The following UPRT variants were observed in gnomAD, a reference collection of about 807,000 sequenced individuals.
UPRT encodes uracil phosphoribosyltransferase homolog.
In UPRT, 5 loss-of-function variants were observed where a neutral mutation model predicts 22.6. The ratio of observed to expected loss-of-function variants is 0.22; its 90% confidence interval spans 0.12 to 0.47. The LOEUF (loss-of-function observed/expected upper bound fraction) is 0.47, where lower values mean the gene tolerates loss of function less well. UPRT is among the 20% of genes least tolerant of loss of function. UPRT has a pLI of 0.99. For synonymous variants in UPRT, 77 were observed against 87.7 expected, an observed-to-expected ratio of 0.88 and a Z score of 0.68; for missense variants, 181 against 239.9, an observed-to-expected ratio of 0.75 and a Z score of 1.62.
intron 4 of UPRT, among the ~76,000 whole-genome samples, chrX:75,266,729 G>A (rs193081285): frequency 3.6e-4 from 40 of 110,657 alleles, no homozygotes; most frequent in Admixed American, 1.7e-3. Context: ...ACAAATAACC[G>A]AAACACATTT....
Position 75,291,459 on chromosome X carries a change from G to A in UPRT, c.387-2013G>A, listed in dbSNP as rs968152462. The A allele has an allele frequency of 6.0e-5, 19 of 318,002 alleles. No homozygotes were observed. In the Admixed American group the frequency reaches 6.4e-4, roughly 11 times the overall value. 26.2% of individuals were successfully genotyped at this position (318,002 alleles called of 1,213,427 possible). ...GAAGTGTGTGGAATGAAGAAGATCT[G>A]GAGTCTGGTTCATATTAAAACATCC... On this transcript the variant is annotated intron_variant, in intron 1 of 6. Coordinates refer to ENST00000373383, the MANE Select transcript of UPRT (RefSeq NM_145052.4).
chrX:75,189,428 C>G (rs758715748), intron 4 of UPRT, among the ~76,000 whole-genome samples: 1 of 111,687 alleles, frequency 9.0e-6, no homozygotes, highest in Non-Finnish European at 1.9e-5. Flanking sequence ...GGAATAATCA[C>G]GTTGTGGTGC....
At chrX:75,216,261 CACAT>C (rs1221205146) in intron 4 of UPRT, among the ~76,000 whole-genome samples, 4 of 112,027 alleles carry the variant, frequency 3.6e-5, no homozygotes, top group African/African-American at 1.3e-4. Context: ...GAAGAAAAAT[CACAT>C]AATCATATTC....
chrX:75,212,937 C>A (rs1414155473), intron 4 of UPRT, among the ~76,000 whole-genome samples: 1 of 111,738 alleles, frequency 8.9e-6, no homozygotes, highest in Non-Finnish European at 1.9e-5. Context: ...TATCATCTGA[C>A]CTTAAAATAA....
chrX:75,194,831 G>A (rs779401362), intron 4 of UPRT, among the ~76,000 whole-genome samples: 12 of 111,194 alleles, frequency 1.1e-4, no homozygotes, highest in East Asian at 2.9e-4. Flanking sequence ...AGCAGTAGCC[G>A]CACAGTGCAT....
intron 4 of UPRT, among the ~76,000 whole-genome samples, chrX:75,217,109 G>C (rs143787529): frequency 0.021 from 2,347 of 111,852 alleles, 38 homozygotes; most frequent in South Asian, 0.13. Flanking sequence ...GGTCTGAGAA[G>C]ACCTGGTGTA....
At chrX:75,201,726 CAAAG>C (rs771944706) in intron 4 of UPRT, 28 of 114,758 alleles carry the variant, frequency 2.4e-4, no homozygotes, top group African/African-American at 9.0e-4. Context: ...GTTCCTAAAA[CAAAG>C]ATAGAAGTGG....
intron 4 of UPRT, among the ~76,000 whole-genome samples, chrX:75,265,514 G>T (rs2082585275): frequency 8.9e-6 from 1 of 112,125 alleles, no homozygotes; most frequent in Admixed American, 9.5e-5. Context: ...TTCTTGTGCT[G>T]TGGTTTTCAG....
At chrX:75,300,759 C>G (rs775231979) in intron 5 of UPRT, 108 bp from the exon 6 acceptor site, 10 of 589,977 alleles carry the variant, frequency 1.7e-5, no homozygotes, top group Non-Finnish European at 2.6e-5. Flanking sequence ...TGCACTCCAG[C>G]CTGAGTGACA....
At chrX:75,210,452 G>A (rs750714412) in intron 4 of UPRT, among the ~76,000 whole-genome samples, 1 of 111,058 alleles carries the variant, frequency 9.0e-6, no homozygotes, top group East Asian at 2.8e-4. Context: ...AGGATGGCTA[G>A]GGAGAAGGGA....
At chrX:75,257,325 A>G (rs1345212503) in intron 4 of UPRT, among the ~76,000 whole-genome samples, 1 of 111,901 alleles carries the variant, frequency 8.9e-6, no homozygotes, top group African/African-American at 3.3e-5. Flanking sequence ...GCCTCCCTTT[A>G]TGATTGAAAC....
intron 4 of UPRT, among the ~76,000 whole-genome samples, chrX:75,298,762 A>C (rs1353353274): frequency 9.0e-6 from 1 of 111,715 alleles, no homozygotes; most frequent in Admixed American, 9.5e-5. Flanking sequence ...TTCAACTTTT[A>C]AAAACTGGTA....
At chrX:75,165,527 AT>A (rs771467312) in intron 3 of UPRT, among the ~76,000 whole-genome samples, 1 of 111,580 alleles carries the variant, frequency 9.0e-6, no homozygotes, top group Non-Finnish European at 1.9e-5. Flanking sequence ...AGGGATTACA[AT>A]TCTCCAATGT....
intron 4 of UPRT, among the ~76,000 whole-genome samples, chrX:75,261,867 A>G (rs963640253): frequency 3.6e-5 from 4 of 111,815 alleles, no homozygotes; most frequent in African/African-American, 6.5e-5. Flanking sequence ...CTGGTTCAAT[A>G]TATGCAAATC....
chrX:75,256,030 A>G (rs1478400077), intron 4 of UPRT, among the ~76,000 whole-genome samples: 2 of 111,818 alleles, frequency 1.8e-5, no homozygotes, highest in African/African-American at 6.5e-5. Context: ...AGATATATTC[A>G]TAACATTCCA....
chrX:75,201,822 G>A (rs1351170091), intron 4 of UPRT: 1 of 114,078 alleles, frequency 8.8e-6, no homozygotes, highest in African/African-American at 3.3e-5. Context: ...CTCCACCCTG[G>A]ACTCTGGACT....
intron 1 of UPRT, among the ~76,000 whole-genome samples, chrX:75,292,324 G>T (rs1246927638): frequency 8.9e-6 from 1 of 111,895 alleles, no homozygotes; most frequent in Non-Finnish European, 1.9e-5. Flanking sequence ...CTCTGTGTGT[G>T]TGTAGGTATG....
chrX:75,297,957 G>A (rs1293464404), intron 4 of UPRT, among the ~76,000 whole-genome samples: 1 of 102,472 alleles, frequency 9.8e-6, no homozygotes, highest in African/African-American at 3.5e-5. Flanking sequence ...CTGTTGTTGG[G>A]CTAAATGACT....
chrX:75,239,738 A>G (rs185020542), intron 4 of UPRT, among the ~76,000 whole-genome samples: 1 of 111,716 alleles, frequency 9.0e-6, no homozygotes, highest in East Asian at 2.8e-4. Context: ...CGATACCACA[A>G]AGATAATACA....
Sources: gnomAD v4.1 joint callset for allele counts (sites outside exome capture counted in the v4.1 genomes callset) on GRCh38, gnomAD v4.1.1 for gene constraint, MANE v1.5 for transcripts, NCBI Gene and HGNC (gene_info 2026-07-23, HGNC 2026-07-21) for gene names.